The following GPRIN3 variants were observed in gnomAD, a reference collection of about 807,000 sequenced individuals.
The protein encoded by GPRIN3 is GPRIN family member 3, also known as G protein-regulated inducer of neurite outgrowth 3.
In GPRIN3, 12 loss-of-function variants were observed where a neutral mutation model predicts 13.7. The observed-to-expected ratio is 0.87, with a 90% CI of 0.56 to 1.42. The LOEUF (loss-of-function observed/expected upper bound fraction) is 1.42. GPRIN3 is among the 40% of genes most tolerant of loss of function. The pLI, the probability that GPRIN3 is intolerant of heterozygous loss-of-function variation, is 0.00. For missense variants in GPRIN3, 1,009 were observed against 958.7 expected, an observed-to-expected ratio of 1.05 and a Z score of -0.69; for synonymous variants, 377 against 372.7, an observed-to-expected ratio of 1.01 and a Z score of -0.13.
Position 89,255,167 on chromosome 4 carries a change from G to A in GPRIN3, c.-123-4934C>T, listed in dbSNP as rs531824080. 1.2e-4 allele frequency among the ~76,000 whole-genome samples: 18 copies of A among 152,056 alleles called. No homozygotes were observed. In the South Asian group the frequency reaches 2.5e-3, roughly 21 times the overall value. ...TGTGTTTAAGAACATGGACTCTGGG[G>A]CAGACTCCTTGGATTAGAATATCAG... is the stretch of plus-strand genomic sequence containing the variant. On this transcript the variant is annotated intron_variant, in intron 1 of 1. Transcript: ENST00000609438.
At chr4:89,271,789 G>A (rs56862175) in intron 1 of GPRIN3, among the ~76,000 whole-genome samples, 2,539 of 152,064 alleles carry the variant, frequency 0.017, 76 homozygotes, top group African/African-American at 0.058. Flanking sequence ...TGCAATACAC[G>A]TCTTGAAGCC....
intron 1 of GPRIN3, among the ~76,000 whole-genome samples, chr4:89,293,777 A>T (rs1724656924): frequency 6.6e-6 from 1 of 152,228 alleles, no homozygotes; most frequent in Admixed American, 6.5e-5. Flanking sequence ...CGTGAAAGCG[A>T]CTGCAAAGCT....
chr4:89,258,230 C>CG (rs1723532281), intron 1 of GPRIN3, among the ~76,000 whole-genome samples: 2 of 110,922 alleles, frequency 1.8e-5, no homozygotes, highest in Non-Finnish European at 4.0e-5. Context: ...TAAGCCTGAG[C>CG]ATTTTTTTTT....
intron 1 of GPRIN3, among the ~76,000 whole-genome samples, chr4:89,291,742 G>T (rs572010717): frequency 6.6e-6 from 1 of 151,662 alleles, no homozygotes; most frequent in South Asian, 2.1e-4. Flanking sequence ...ATTTTCCATG[G>T]TGTCTCTACT....
chr4:89,278,809 C>T (rs28617554), intron 1 of GPRIN3, among the ~76,000 whole-genome samples: 27,124 of 152,214 alleles, frequency 0.18, 5,651 homozygotes, highest in African/African-American at 0.51. Flanking sequence ...CCAAGCTGTG[C>T]AGCTCCAGAG....
At chr4:89,269,701 T>G (rs10022302) in intron 1 of GPRIN3, among the ~76,000 whole-genome samples, 9,735 of 152,258 alleles carry the variant, frequency 0.064, 482 homozygotes, top group South Asian at 0.21. Context: ...TACTCAACTG[T>G]TGAAAAAACC....
intron 1 of GPRIN3, among the ~76,000 whole-genome samples, chr4:89,292,885 T>C (rs531806769): frequency 4.2e-4 from 64 of 152,350 alleles, no homozygotes; most frequent in Admixed American, 2.7e-3. Context: ...TTAGAATCTA[T>C]TGTGGCAGAA....
At chr4:89,286,239 C>G (rs894235108) in intron 1 of GPRIN3, among the ~76,000 whole-genome samples, 1 of 152,068 alleles carries the variant, frequency 6.6e-6, no homozygotes, top group African/African-American at 2.4e-5. Context: ...GGAGCACCAA[C>G]TTGCAAAACA....
intron 1 of GPRIN3, among the ~76,000 whole-genome samples, chr4:89,259,172 A>C (rs986994585): frequency 1.3e-5 from 2 of 152,134 alleles, no homozygotes; most frequent in East Asian, 3.9e-4. Context: ...AACACACAAT[A>C]AGCTTTATTC....
rs754541346 is a variant in GPRIN3 at position 89,246,621 on chromosome 4, T to C, written c.*1159A>G. 2.6e-5 allele frequency: 4 copies of C among 152,212 alleles called. No individual in the cohort carries two copies. The highest frequency in any genetic ancestry group is 1.3e-4 in the Admixed American group (2 of 15,280). 9.4% of individuals were successfully genotyped at this position (152,212 alleles called of 1,614,324 possible). ...AATAAGTTTGCAGAAGTTACCTTTT[T>C]ACTCCAGCATATATATTTAAGCAAT... is the stretch of plus-strand genomic sequence containing the variant. On this transcript the variant is annotated 3_prime_UTR_variant, in exon 2 of 2. Coordinates refer to ENST00000609438, the MANE Select transcript of GPRIN3 (RefSeq NM_198281.3).
intron 1 of GPRIN3, among the ~76,000 whole-genome samples, chr4:89,261,333 A>G (rs922165453): frequency 6.6e-6 from 1 of 152,218 alleles, no homozygotes; most frequent in African/African-American, 2.4e-5. Context: ...GTCTCCAGAC[A>G]TTTCTGGGAG....
rs145240501 is a variant in GPRIN3, at chr4:89,262,060, A to G, written c.-123-11827T>C. Among the ~76,000 whole-genome samples, 1,202 of 147,018 alleles carry G rather than the reference A, an allele frequency of 8.2e-3. 8 individuals carry two copies. Among genetic ancestry groups the G allele is most frequent in the Middle Eastern group, 0.011 (3 of 282 alleles). On this transcript the variant is annotated intron_variant, in intron 1 of 1. Transcript: ENST00000609438. ...GGAACTGCTTGAGCCTGGGAGGCAGAGGTTGCAGTGAGTTGAGATGCTGCC... is the reference window on the plus strand; with the variant it reads ...GGAACTGCTTGAGCCTGGGAGGCAGGGGTTGCAGTGAGTTGAGATGCTGCC...
chr4:89,257,801 C>T (rs1419571603), intron 1 of GPRIN3, among the ~76,000 whole-genome samples: 2 of 152,126 alleles, frequency 1.3e-5, no homozygotes, highest in Non-Finnish European at 2.9e-5. Flanking sequence ...GGTATAGGAA[C>T]ATTCCTTTAA....
At chr4:89,300,310 T>A (rs1299100245) in intron 1 of GPRIN3, among the ~76,000 whole-genome samples, 1 of 152,060 alleles carries the variant, frequency 6.6e-6, no homozygotes, top group East Asian at 1.9e-4. Flanking sequence ...AGTGAAGCTG[T>A]TGGGCACAAG....
Position 89,243,917 on chromosome 4 carries a change from T to C in GPRIN3, c.*3863A>G, listed in dbSNP as rs1723016332. ...ACAAAATTTTAAACACTTGGCACAA[T>C]ATGTAGGAGGAAGAGAAGACACACA... On this transcript the variant is annotated 3_prime_UTR_variant, in exon 2 of 2. Coordinates refer to ENST00000609438, the MANE Select transcript of GPRIN3 (RefSeq NM_198281.3). 2 of 152,184 alleles carry C rather than the reference T, an allele frequency of 1.3e-5. No individual in the cohort carries two copies. Among genetic ancestry groups the C allele is most frequent in the African/African-American group, 4.8e-5 (2 of 41,446 alleles). The allele number at this position is 152,184 out of a possible 1,614,324, so 9.4% of individuals were successfully genotyped here.
intron 1 of GPRIN3, among the ~76,000 whole-genome samples, chr4:89,254,343 GT>G (rs1435482510): frequency 3.3e-5 from 5 of 151,884 alleles, no homozygotes; most frequent in Admixed American, 6.6e-5. Flanking sequence ...ATTAAGCCTA[GT>G]ACCCATTAGT....
In GPRIN3 at chr4:89,243,425, C is replaced by T. The variant is rs944877879; in HGVS notation, c.*4355G>A. On this transcript the variant is annotated 3_prime_UTR_variant, in exon 2 of 2. Transcript: ENST00000609438. ...ATTTGCCAGGTGGCAGCAGCTGACC[C>T]GAATTTGGAGAGAATCAACCAAAAA... The T allele has an allele frequency of 2.6e-5, 4 of 152,028 alleles. No homozygotes were observed. The highest frequency in any genetic ancestry group is 9.7e-5 in the African/African-American group (4 of 41,380). The allele number at this position is 152,028 out of a possible 1,614,324, so 9.4% of individuals were successfully genotyped here.
Position 89,245,664 on chromosome 4 carries a change from C to T in GPRIN3, c.*2116G>A, listed in dbSNP as rs1473446815. On this transcript the variant is annotated 3_prime_UTR_variant, in exon 2 of 2. Transcript: ENST00000609438. ...TGCTACTGTGTACACAGGCTGTACTCTGTGTATACACAGCATGTATGCCCA... is the reference window on the plus strand; with the variant it reads ...TGCTACTGTGTACACAGGCTGTACTTTGTGTATACACAGCATGTATGCCCA... The T allele has an allele frequency of 6.6e-6, 1 of 152,232 alleles. No homozygotes were observed. Among genetic ancestry groups the T allele is most frequent in the Non-Finnish European group, 1.5e-5 (1 of 68,060 alleles). 9.4% of individuals were successfully genotyped at this position (152,232 alleles called of 1,614,324 possible). A position where few individuals can be genotyped will look rare whatever the true frequency, so the allele number is the denominator to read the frequency against.
rs1387823866 is a variant in GPRIN3 at position 89,240,726 on chromosome 4, C to T, written c.*7054G>A. ...AACACCATTAATTGGGGGGGCATCT[C>T]ATTCAATAATAATATTTGTAAAACA... On this transcript the variant is annotated 3_prime_UTR_variant, in exon 2 of 2. Transcript: ENST00000609438. The T allele has an allele frequency of 1.3e-5, 2 of 152,080 alleles. No homozygotes were observed. The highest frequency in any genetic ancestry group is 2.9e-5 in the Non-Finnish European group (2 of 68,030). The allele number at this position is 152,080 out of a possible 1,614,324, so 9.4% of individuals were successfully genotyped here. A position where few individuals can be genotyped will look rare whatever the true frequency, so the allele number is the denominator to read the frequency against.
Sources: gnomAD v4.1 joint callset for allele counts (sites outside exome capture counted in the v4.1 genomes callset) on GRCh38, gnomAD v4.1.1 for gene constraint, MANE v1.5 for transcripts, NCBI Gene and HGNC (gene_info 2026-07-23, HGNC 2026-07-21) for gene names.